Variants in UBL3 observed in about 807,000 individuals in gnomAD.
The protein encoded by UBL3 is ubiquitin-like protein 3.
In UBL3, 6 loss-of-function variants were observed where a neutral mutation model predicts 18.4. That is an observed-to-expected ratio of 0.33 (90% confidence interval 0.18 to 0.64). UBL3 has a LOEUF of 0.64. Among genes scored for constraint, UBL3 ranks in the 30% least tolerant of loss-of-function variants. UBL3 has a pLI of 0.76. For synonymous variants in UBL3, 49 were observed against 46.6 expected (o/e 1.05, Z -0.21); for missense variants, 109 against 142.9 (o/e 0.76, Z 1.21).
At chr13:29,780,367 A>AATATAT (rs67385106) in intron 1 of UBL3, among the ~76,000 whole-genome samples, 4 of 103,336 alleles carry the variant, frequency 3.9e-5, no homozygotes, top group Admixed American at 1.2e-4. Context: ...AAAAAAAAAA[A>AATATAT]ATATATATAT....
At chr13:29,807,011 T>G (rs976187777) in intron 1 of UBL3, among the ~76,000 whole-genome samples, 3 of 152,212 alleles carry the variant, frequency 2.0e-5, no homozygotes, top group Non-Finnish European at 4.4e-5. Context: ...TAATATGTAG[T>G]GTACTTCAGA....
chr13:29,837,262 G>T (rs1593676286), intron 1 of UBL3, among the ~76,000 whole-genome samples: 2 of 152,000 alleles, frequency 1.3e-5, no homozygotes, highest in African/African-American at 4.8e-5. Flanking sequence ...AGACAATCTA[G>T]GTATGACGGT....
intron 2 of UBL3, 91 bp from the exon 3 acceptor site, chr13:29,772,289 T>TA (rs1876862715): frequency 7.3e-6 from 8 of 1,098,212 alleles, no homozygotes; most frequent in South Asian, 3.2e-5. Context: ...CCAAATCAGT[T>TA]AGAGTACAAA....
At chr13:29,823,245 C>T (rs983487087) in intron 1 of UBL3, among the ~76,000 whole-genome samples, 1 of 152,106 alleles carries the variant, frequency 6.6e-6, no homozygotes, top group Admixed American at 6.5e-5. Flanking sequence ...CGGGTTCAAG[C>T]GATTCTCCTG....
chr13:29,818,961 A>G (rs964706101), intron 1 of UBL3, among the ~76,000 whole-genome samples: 3 of 152,188 alleles, frequency 2.0e-5, no homozygotes, highest in African/African-American at 7.2e-5. Context: ...TTAAGGTGTG[A>G]TAAGAGTATT....
At chr13:29,786,334 C>G (rs1238523480) in intron 1 of UBL3, among the ~76,000 whole-genome samples, 2 of 152,226 alleles carry the variant, frequency 1.3e-5, no homozygotes, top group African/African-American at 2.4e-5. Context: ...TGCCCCAAGG[C>G]CTTTACACAG....
At chr13:29,828,576 T>C (rs1319929292) in intron 1 of UBL3, among the ~76,000 whole-genome samples, 3 of 152,156 alleles carry the variant, frequency 2.0e-5, no homozygotes, top group African/African-American at 7.2e-5. Flanking sequence ...TAGCCATTCG[T>C]CTAATCTTTT....
intron 1 of UBL3, among the ~76,000 whole-genome samples, chr13:29,848,209 C>T: frequency 7.2e-6 from 1 of 138,570 alleles, no homozygotes; most frequent in Admixed American, 8.3e-5. Context: ...TTTGGGAGGC[C>T]AAGATGGGTG....
intron 1 of UBL3, among the ~76,000 whole-genome samples, chr13:29,817,412 A>G (rs34317115): frequency 0.045 from 6,901 of 152,210 alleles, 223 homozygotes; most frequent in Middle Eastern, 0.092. Context: ...GTTTGCTCCA[A>G]TGTTTTAATC....
At chr13:29,835,147 T>TATAAATAA (rs1878918671) in intron 1 of UBL3, among the ~76,000 whole-genome samples, 1 of 15,682 alleles carries the variant, frequency 6.4e-5, no homozygotes, top group African/African-American at 2.8e-4. Flanking sequence ...TATATATATA[T>TATAAATAA]ATATATATAT....
chr13:29,810,661 A>C (rs569948133), intron 1 of UBL3, among the ~76,000 whole-genome samples: 1 of 152,134 alleles, frequency 6.6e-6, no homozygotes, highest in Non-Finnish European at 1.5e-5. Context: ...TATTCTACTA[A>C]GTGAAAATAC....
chr13:29,849,253 C>T (rs1352832293), intron 1 of UBL3, among the ~76,000 whole-genome samples: 2 of 152,108 alleles, frequency 1.3e-5, no homozygotes, highest in Non-Finnish European at 2.9e-5. Flanking sequence ...ATGTTTTGTC[C>T]CCTCAAGCTA....
chr13:29,830,528 A>T (rs1246969143), intron 1 of UBL3, among the ~76,000 whole-genome samples: 1 of 152,224 alleles, frequency 6.6e-6, no homozygotes, highest in Non-Finnish European at 1.5e-5. Flanking sequence ...TTCTCTGGGT[A>T]CAAAGAATTT....
At chr13:29,801,113 T>G (rs889153468) in intron 1 of UBL3, among the ~76,000 whole-genome samples, 5 of 152,172 alleles carry the variant, frequency 3.3e-5, no homozygotes, top group African/African-American at 4.8e-5. Flanking sequence ...CCATTGCAGA[T>G]GCAGGGGTAC....
chr13:29,774,144 G>T (rs980058281), intron 2 of UBL3, among the ~76,000 whole-genome samples: 3 of 152,008 alleles, frequency 2.0e-5, no homozygotes, highest in Admixed American at 6.6e-5. Context: ...GAAAATAAGG[G>T]AACATCCACT....
chr13:29,787,281 C>A (rs1049394345), intron 1 of UBL3, among the ~76,000 whole-genome samples: 1 of 151,970 alleles, frequency 6.6e-6, no homozygotes, highest in East Asian at 1.9e-4. Context: ...GTGCCCAGCA[C>A]GTAAGTCCCT....
intron 1 of UBL3, among the ~76,000 whole-genome samples, chr13:29,808,842 T>C (rs1280249502): frequency 2.0e-5 from 3 of 152,116 alleles, no homozygotes; most frequent in Non-Finnish European, 4.4e-5. Context: ...CTTATGGAAG[T>C]AGTAGTTGCA....
chr13:29,849,224 G>A (rs1879305998), intron 1 of UBL3, among the ~76,000 whole-genome samples: 1 of 152,156 alleles, frequency 6.6e-6, no homozygotes, highest in African/African-American at 2.4e-5. Flanking sequence ...GTGTTCGGAG[G>A]CTTCTAGCGA....
chr13:29,778,821 G>A (rs1482611620), intron 1 of UBL3, among the ~76,000 whole-genome samples: 6 of 152,122 alleles, frequency 3.9e-5, no homozygotes, highest in Admixed American at 3.9e-4. Context: ...CACATTTCTG[G>A]ATTCAATGTA....
Sources: allele counts gnomAD v4.1 joint callset (sites outside exome capture counted in the v4.1 genomes callset), GRCh38; gene constraint gnomAD v4.1.1; transcripts MANE v1.5; gene names NCBI Gene and HGNC (gene_info 2026-07-23, HGNC 2026-07-21).